The following DOCK6 variants were observed in gnomAD, a reference collection of about 807,000 sequenced individuals.
The protein encoded by DOCK6 is dedicator of cytokinesis protein 6.
In DOCK6, 167 loss-of-function variants were observed where a neutral mutation model predicts 230.3. The observed-to-expected ratio is 0.73, with a 90% CI of 0.64 to 0.82. The LOEUF (loss-of-function observed/expected upper bound fraction) is 0.82. Ranked by LOEUF, DOCK6 falls within the 40% of genes least tolerant of loss-of-function variation. The pLI is 0.00. For missense variants in DOCK6, 2,598 were observed against 2,825.8 expected (o/e 0.92, Z 1.83); for synonymous variants, 1,148 against 1,185.0 (o/e 0.97, Z 0.64).
intron 14 of DOCK6, among the ~76,000 whole-genome samples, chr19:11,239,385 G>A (rs1424879611): frequency 6.6e-6 from 1 of 152,160 alleles, no homozygotes; most frequent in Non-Finnish European, 1.5e-5. Context: ...TGAGTCTCAG[G>A]AACTCCCAGC....
intron 23 of DOCK6, among the ~76,000 whole-genome samples, chr19:11,228,676 C>T (rs1404350631): frequency 2.6e-5 from 4 of 151,718 alleles, no homozygotes; most frequent in Non-Finnish European, 5.9e-5. Context: ...TCTTCTGCCT[C>T]AGCCTCCCGA....
chr19:11,232,419 T>A, intron 22 of DOCK6: 2 of 632,542 alleles, frequency 3.2e-6, no homozygotes, highest in Non-Finnish European at 4.8e-6. Flanking sequence ...TCCTGAAAAA[T>A]GTGCACGTGT....
chr19:11,215,459 A>G lies in DOCK6; in HGVS notation c.4034T>C (p.Phe1345Ser), dbSNP rs773534719. ...CCAGCGCACATTCTCCGGATTCCCAAACGGGCTCCTCTCTGAGACGCGTGG... is the reference window on the plus strand; with the variant it reads ...CCAGCGCACATTCTCCGGATTCCCAGACGGGCTCCTCTCTGAGACGCGTGG... ...MVRRSRERSP[F>S]GNPENVRWRK... The change falls in exon 32 of 48, where the codon TTT (phenylalanine) becomes TCT (serine). Residue 1345 changes from phenylalanine to serine, a missense_variant. Physicochemically the swap from Phe to Ser is radical, Grantham distance 155 (BLOSUM62 -2). Coordinates refer to ENST00000294618, the MANE Select transcript of DOCK6 (RefSeq NM_020812.4). The G allele has an allele frequency of 6.2e-6, 10 of 1,612,588 alleles. No individual in the cohort carries two copies. Among genetic ancestry groups the G allele is most frequent in the Non-Finnish European group, 8.5e-6 (10 of 1,179,762 alleles).
Position 11,217,347 on chromosome 19 carries a change from C to A in DOCK6, c.3595G>T (p.Asp1199Tyr), listed in dbSNP as rs752725829. 2.1e-5 allele frequency: 34 copies of A among 1,613,584 alleles called. No individual in the cohort carries two copies. Among genetic ancestry groups the A allele is most frequent in the Middle Eastern group, 1.6e-4 (1 of 6,062 alleles). ...GCAATGTCCCCTTCGCCTTCTGTGTCTGAGTCAAGCATTGAGGCCAGTCTT... is the reference window on the plus strand; with the variant it reads ...GCAATGTCCCCTTCGCCTTCTGTGTATGAGTCAAGCATTGAGGCCAGTCTT... The part of the protein sequence containing the change: ...RSRLASMLDS[D>Y]TEGEGDIAGT... The change falls in exon 29 of 48, where the codon GAC becomes TAC. Residue 1199 changes from aspartate to tyrosine, a missense_variant. Asp to Tyr is a radical substitution (Grantham distance 160). Coordinates refer to ENST00000294618, the MANE Select transcript of DOCK6 (RefSeq NM_020812.4).
At position 11,248,841 on chromosome 19, in the gene DOCK6, T is replaced by TA. The variant is rs2080075163; in HGVS notation, c.721-691dup. On this transcript the variant is annotated intron_variant, in intron 6 of 47. Transcript: ENST00000294618. ...CAATACAGTGGGTACCCAAACATGTTAGTCGAATAATTATAGAGGTATACA... is the reference window on the plus strand; with the variant it reads ...CAATACAGTGGGTACCCAAACATGTTAAGTCGAATAATTATAGAGGTATACA... Among the ~76,000 whole-genome samples, 3 of 152,166 alleles carry TA rather than the reference T, an allele frequency of 2.0e-5. No homozygotes were observed. In the South Asian group the frequency reaches 6.2e-4, roughly 31 times the overall value.
intron 22 of DOCK6, among the ~76,000 whole-genome samples, chr19:11,229,913 G>A (rs995653518): frequency 3.3e-5 from 5 of 151,742 alleles, no homozygotes; most frequent in Admixed American, 2.6e-4. Flanking sequence ...GCCTGGTGGC[G>A]TGTGCCTGTA....
rs2079532703 is a variant in DOCK6, at chr19:11,218,722, AC to A, written c.3551-1332del. 2.0e-5 allele frequency among the ~76,000 whole-genome samples: 3 copies of A among 152,200 alleles called. No individual in the cohort carries two copies. In the South Asian group the frequency reaches 6.2e-4, roughly 32 times the overall value. On this transcript the variant is annotated intron_variant, in intron 28 of 47. Coordinates refer to ENST00000294618, the MANE Select transcript of DOCK6 (RefSeq NM_020812.4). ...CTTGGACTCCCAAAGTGCTGGGATT[AC>A]AGGTATGAGCCACTGCACCTGGCCT...
In DOCK6 at chr19:11,201,819, T is replaced by TC; in HGVS notation, c.5688+69dup. On this transcript the variant is annotated intron_variant, in intron 44 of 47. Transcript: ENST00000294618. This position sits in a 1 kb window ranked among gnomAD's most constrained non-coding sequence, Gnocchi z 4.3. ...TGGGTCTGGGTCCCTGTGTCTACCC[T>TC]CCCCTCCCCTCCCAGGGTCTGATGT... The TC allele has an allele frequency of 3.4e-6, 4 of 1,189,442 alleles. No homozygotes were observed. The highest frequency in any genetic ancestry group is 1.4e-5 in the South Asian group (1 of 71,010). The allele number at this position is 1,189,442 out of a possible 1,614,324, so 73.7% of individuals were successfully genotyped here.
chr19:11,207,913 G>A (rs918003969), intron 39 of DOCK6, among the ~76,000 whole-genome samples: 7 of 151,886 alleles, frequency 4.6e-5, no homozygotes, highest in Admixed American at 2.0e-4. Context: ...CTAGGTGACA[G>A]AATGGAGGTC....
At chr19:11,252,676 G>A in intron 3 of DOCK6, 107 bp downstream of exon 3, 1 of 1,596,792 alleles carries the variant, frequency 6.3e-7, no homozygotes, top group Non-Finnish European at 8.6e-7. Flanking sequence ...GAAAAAGCAT[G>A]GCTTGTCCAA....
intron 22 of DOCK6, among the ~76,000 whole-genome samples, chr19:11,230,048 A>C (rs945637824): frequency 2.8e-4 from 42 of 150,294 alleles, no homozygotes; most frequent in African/African-American, 1.0e-3. Flanking sequence ...CATCTCAAAA[A>C]AAAAAAAAAA....
chr19:11,230,232 G>C (rs539633122), intron 22 of DOCK6, among the ~76,000 whole-genome samples: 9 of 152,210 alleles, frequency 5.9e-5, no homozygotes, highest in Non-Finnish European at 2.9e-5. Context: ...CCAGCTACTT[G>C]GGAGGCTGAG....
At position 11,201,785 on chromosome 19, in the gene DOCK6, G is replaced by T; in HGVS notation, c.5688+104C>A. The T allele has an allele frequency of 8.8e-7, 1 of 1,139,638 alleles. No homozygotes were observed. Among genetic ancestry groups the T allele is most frequent in the Non-Finnish European group, 1.2e-6 (1 of 807,606 alleles). 70.6% of individuals were successfully genotyped at this position (1,139,638 alleles called of 1,614,324 possible). On this transcript the variant is annotated intron_variant, in intron 44 of 47. Transcript: ENST00000294618. The surrounding 1 kb of genome is among the most constrained non-coding windows in gnomAD (Gnocchi z 4.3). ...ACCCCTCTCTGGGTCTGAGGTCCGTGAACCACCTTGGGTCTGGGTCCCTGT... is the reference window on the plus strand; with the variant it reads ...ACCCCTCTCTGGGTCTGAGGTCCGTTAACCACCTTGGGTCTGGGTCCCTGT...
At chr19:11,213,734 C>G (rs952508493) in intron 34 of DOCK6, among the ~76,000 whole-genome samples, 1 of 151,742 alleles carries the variant, frequency 6.6e-6, no homozygotes, top group Non-Finnish European at 1.5e-5. Context: ...CTGCCTCAGC[C>G]TCCCTAGTAG....
At position 11,212,110 on chromosome 19, in the gene DOCK6, C is replaced by T. The variant is rs1265149007; in HGVS notation, c.4533G>A (p.Ser1511=). The T allele has an allele frequency of 9.3e-6, 15 of 1,611,918 alleles. No individual in the cohort carries two copies. The highest frequency in any genetic ancestry group is 8.8e-5 in the South Asian group (8 of 90,920). The change falls in exon 36 of 48, where the codon TCG becomes TCA. Residue 1511 remains serine, a synonymous_variant. Transcript: ENST00000294618. ...AGTTCTGCGTCGTCCCCACCAGGGA[C>T]GAGAGAGACATGGTGACCTGCATCT... ...RVKMQVTMSL[S]SLVGTTQNFS... is the part of the protein sequence containing the mutation.
At chr19:11,258,938 G>A (rs533803943) in intron 1 of DOCK6, among the ~76,000 whole-genome samples, 1 of 151,256 alleles carries the variant, frequency 6.6e-6, no homozygotes, top group Non-Finnish European at 1.5e-5. Context: ...TATATTTTTC[G>A]TAGAGATGGG....
rs199955559 is a variant in DOCK6, at chr19:11,209,032, G to A, written c.4823C>T (p.Ala1608Val). Residue 1608 changes from alanine (A) to valine (V), a missense_variant, in exon 38 of 48, where the codon GCG (alanine) becomes GTG (valine). Transcript: ENST00000294618. The stretch of plus-strand genomic sequence containing the variant: ...GGCCTCGGCGTGGTTGCCCAGCTCC[G>A]CGTGCTTCCCGGCCATGTTCTGCAA... ...TWLQNMAGKH[A>V]ELGNHAEAAQ... is the part of the protein sequence containing the mutation. The A allele has an allele frequency of 5.1e-5, 83 of 1,612,020 alleles. No homozygotes were observed. Among genetic ancestry groups the A allele is most frequent in the African/African-American group, 3.6e-4 (27 of 74,978 alleles).
chr19:11,212,167 C>T lies in DOCK6; in HGVS notation c.4492-16G>A, dbSNP rs767652072. On this transcript the variant is annotated splice_polypyrimidine_tract_variant and intron_variant, in intron 35 of 47. Coordinates refer to ENST00000294618, the MANE Select transcript of DOCK6 (RefSeq NM_020812.4). The stretch of plus-strand genomic sequence containing the variant: ...GGGCAAAGTTCTGCAGGGACAGGGG[C>T]GGGAGGGTGGAGCCGGGAGTCTCAG... The T allele has an allele frequency of 1.5e-4, 225 of 1,502,004 alleles. No individual in the cohort carries two copies. The highest frequency in any genetic ancestry group is 2.9e-4 in the Admixed American group (17 of 57,904). The allele number at this position is 1,502,004 out of a possible 1,614,324, so 93.0% of individuals were successfully genotyped here. A position where few individuals can be genotyped will look rare whatever the true frequency, so the allele number is the denominator to read the frequency against.
intron 7 of DOCK6, among the ~76,000 whole-genome samples, chr19:11,246,397 C>T (rs1302083018): frequency 3.9e-5 from 6 of 152,076 alleles, no homozygotes; most frequent in Non-Finnish European, 8.8e-5. Flanking sequence ...TGAGCCATCA[C>T]GTCCCCGGCT....
Sources: allele counts gnomAD v4.1 joint callset (sites outside exome capture counted in the v4.1 genomes callset), GRCh38; gene constraint gnomAD v4.1.1; non-coding constraint Gnocchi (gnomAD v3.1); transcripts MANE v1.5; gene names NCBI Gene and HGNC (gene_info 2026-07-23, HGNC 2026-07-21).